RBM6: variants seen among roughly 807,000 people sequenced by gnomAD.
The protein encoded by RBM6 is RNA-binding protein 6.
Under a neutral mutation model 140.4 loss-of-function variants are expected in RBM6, and 23 were observed. The observed-to-expected ratio is 0.16, with a 90% CI of 0.12 to 0.23. RBM6 has a LOEUF of 0.23. Ranked by LOEUF, RBM6 falls within the 10% of genes least tolerant of loss-of-function variation. The pLI is 1.00. For missense variants in RBM6, 1,139 were observed against 1,386.7 expected (o/e 0.82, Z 2.84); for synonymous variants, 439 against 475.6 (o/e 0.92, Z 1.00).
chr3:50,036,079 A>G (rs1381135695), intron 6 of RBM6, among the ~76,000 whole-genome samples: 1 of 151,742 alleles, frequency 6.6e-6, no homozygotes, highest in African/African-American at 2.4e-5. Context: ...TATTTTTGGT[A>G]CAGACCAGGT....
intron 1 of RBM6, among the ~76,000 whole-genome samples, chr3:49,961,524 G>T (rs1042188009): frequency 8.6e-5 from 13 of 151,950 alleles, no homozygotes; most frequent in Admixed American, 2.6e-4. Context: ...TTTCTGGCCG[G>T]GCACGGTGGC....
chr3:49,950,669 C>T (rs1575522360), intron 1 of RBM6, among the ~76,000 whole-genome samples: 3 of 151,644 alleles, frequency 2.0e-5, no homozygotes, highest in Non-Finnish European at 4.4e-5. Flanking sequence ...GCAGGAGAAT[C>T]GCTTGAATCC....
At chr3:50,016,300 ATTTCATTGTGCTTACATACCACAT>A (rs1295142988) in intron 6 of RBM6, among the ~76,000 whole-genome samples, 1 of 152,238 alleles carries the variant, frequency 6.6e-6, no homozygotes, top group Non-Finnish European at 1.5e-5. Context: ...GCCAAATAGT[ATTTCATTGTGCTTACATACCACAT>A]TTTCATTATC....
intron 6 of RBM6, among the ~76,000 whole-genome samples, chr3:50,020,879 A>G (rs934786408): frequency 6.6e-6 from 1 of 152,166 alleles, no homozygotes; most frequent in Non-Finnish European, 1.5e-5. Context: ...ATGCAAGCCC[A>G]TTGTTGACTG....
chr3:50,053,969 C>T (rs1327019484), intron 7 of RBM6: 1 of 171,432 alleles, frequency 5.8e-6, no homozygotes, highest in Non-Finnish European at 1.2e-5. Flanking sequence ...GAATGGGGAT[C>T]TCATAGTCAG....
chr3:49,942,330 A>T (rs1175218206), intron 1 of RBM6, among the ~76,000 whole-genome samples: 1 of 151,556 alleles, frequency 6.6e-6, no homozygotes, highest in Non-Finnish European at 1.5e-5. Context: ...TCTACTAAAA[A>T]TACAAAAAAT....
At chr3:50,000,586 A>C (rs2086281589) in intron 6 of RBM6, among the ~76,000 whole-genome samples, 1 of 151,696 alleles carries the variant, frequency 6.6e-6, no homozygotes, top group Non-Finnish European at 1.5e-5. Context: ...ACGCCGGCTA[A>C]TTTTGTATTT....
chr3:49,996,276 A>G (rs1453518409), intron 5 of RBM6, among the ~76,000 whole-genome samples: 1 of 152,144 alleles, frequency 6.6e-6, no homozygotes, highest in Non-Finnish European at 1.5e-5. Flanking sequence ...GCGCTGGAGG[A>G]AAAACTGGCA....
At chr3:50,063,445 C>CA in intron 15 of RBM6, among the ~76,000 whole-genome samples, 1 of 151,122 alleles carries the variant, frequency 6.6e-6, no homozygotes, top group African/African-American at 2.4e-5. Context: ...ACCAAAAATA[C>CA]AAAAAAAATT....
chr3:50,061,861 A>G (rs1328055398), intron 14 of RBM6, 101 bp from the exon 15 acceptor site: 1 of 1,445,586 alleles, frequency 6.9e-7, no homozygotes, highest in Non-Finnish European at 9.3e-7. Context: ...GTAAGTAAAA[A>G]AGTTGTTTCT....
At position 49,967,580 on chromosome 3, in the gene RBM6, C is replaced by T; in HGVS notation, c.155C>T (p.Ser52Leu). 6.2e-7 allele frequency: 1 copy of T among 1,614,148 alleles called. No individual in the cohort carries two copies. The highest frequency in any genetic ancestry group is 1.3e-5 in the African/African-American group (1 of 75,030). ...TCTGGCAACTTTCCTGGCAGAGATT[C>T]ACTTCCCTTTGATTTCCAGGGGCAT... Reference protein sequence around the residue: ...RHSGNFPGRDSLPFDFQGHSG... With the variant: ...RHSGNFPGRDLLPFDFQGHSG... The change falls in exon 3 of 21, where the codon TCA becomes TTA. Residue 52 changes from serine to leucine, a missense_variant. Transcript: ENST00000266022. The surrounding 1 kb of genome is among the most constrained non-coding windows in gnomAD (Gnocchi z 4.0).
In RBM6 at chr3:49,946,334, G is replaced by A. The variant is rs553458709; in HGVS notation, c.-67+6109G>A. On this transcript the variant is annotated intron_variant, in intron 1 of 20. Transcript: ENST00000266022. ...TGGCTCACTGCAACCTCCACCTCCC[G>A]GGTTCAAGCGATTCTCCTGCCTCAG... is the stretch of plus-strand genomic sequence containing the variant. Among the ~76,000 whole-genome samples, 33 of 151,212 alleles carry A rather than the reference G, an allele frequency of 2.2e-4. No homozygotes were observed. In the East Asian group the frequency reaches 6.1e-3, roughly 28 times the overall value.
At chr3:49,982,669 C>T (rs1159765424) in intron 5 of RBM6, among the ~76,000 whole-genome samples, 7 of 151,914 alleles carry the variant, frequency 4.6e-5, no homozygotes, top group African/African-American at 9.7e-5. Context: ...CCACCCACCT[C>T]GGCCTCCCAA....
At chr3:49,977,063 G>A (rs11916261) in intron 5 of RBM6, among the ~76,000 whole-genome samples, 10,641 of 152,136 alleles carry the variant, frequency 0.07, 390 homozygotes, top group Non-Finnish European at 0.077. Flanking sequence ...GCCAGATCAT[G>A]TTACTCCCAT....
At chr3:50,004,119 GCATTTT>G (rs1210808328) in intron 6 of RBM6, among the ~76,000 whole-genome samples, 90 of 152,184 alleles carry the variant, frequency 5.9e-4, no homozygotes, top group Middle Eastern at 3.4e-3. Flanking sequence ...GCAGGGATTA[GCATTTT>G]ATGTTCTCAA....
At chr3:49,991,783 C>CT (rs2085838953) in intron 5 of RBM6, among the ~76,000 whole-genome samples, 1 of 152,098 alleles carries the variant, frequency 6.6e-6, no homozygotes, top group African/African-American at 2.4e-5. Flanking sequence ...CAAGTCTCAC[C>CT]TAATGTCAGT....
chr3:50,002,604 C>T (rs1473119989), intron 6 of RBM6, among the ~76,000 whole-genome samples: 1 of 152,090 alleles, frequency 6.6e-6, no homozygotes, highest in Non-Finnish European at 1.5e-5. Flanking sequence ...ACTATGTTGG[C>T]CAGGCTGGTC....
intron 1 of RBM6, among the ~76,000 whole-genome samples, chr3:49,957,262 C>G (rs2084037212): frequency 6.6e-6 from 1 of 151,974 alleles, no homozygotes; most frequent in African/African-American, 2.4e-5. Flanking sequence ...ATGTTAGCCA[C>G]TGGCCTGTTG....
At chr3:50,003,816 G>A (rs2086453283) in intron 6 of RBM6, among the ~76,000 whole-genome samples, 1 of 152,200 alleles carries the variant, frequency 6.6e-6, no homozygotes, top group South Asian at 2.1e-4. Flanking sequence ...CTGTTAGTCT[G>A]TACCATCACC....
Sources: gnomAD v4.1 joint callset for allele counts (sites outside exome capture counted in the v4.1 genomes callset) on GRCh38, gnomAD v4.1.1 for gene constraint, Gnocchi (gnomAD v3.1) non-coding constraint, MANE v1.5 for transcripts, NCBI Gene and HGNC (gene_info 2026-07-23, HGNC 2026-07-21) for gene names.